The following CCDC7 variants were observed in gnomAD, a reference collection of about 807,000 sequenced individuals.
CCDC7 encodes coiled-coil domain containing 7.
In CCDC7, 183 loss-of-function variants were observed where a neutral mutation model predicts 196.9. The ratio of observed to expected loss-of-function variants is 0.93; its 90% CI spans 0.82 to 1.05. The LOEUF (loss-of-function observed/expected upper bound fraction) is 1.05. Ranked by LOEUF, CCDC7 falls within the 50% of genes least tolerant of loss-of-function variation. The pLI is 0.00. For missense variants in CCDC7, 1,540 were observed against 1,482.2 expected, an observed-to-expected ratio of 1.04 and a Z score of -0.64; for synonymous variants, 525 against 484.6, an observed-to-expected ratio of 1.08 and a Z score of -1.10.
At chr10:32,450,757 G>T (rs1020075028), upstream of CCDC7, among the ~76,000 whole-genome samples, 2 of 152,150 alleles carry the variant, frequency 1.3e-5, no homozygotes, top group Non-Finnish European at 2.9e-5. Flanking sequence ...TGGGAATAAA[G>T]ATGTATATTA....
At chr10:32,547,778 G>C (rs907239549) in intron 13 of CCDC7, among the ~76,000 whole-genome samples, 4 of 151,856 alleles carry the variant, frequency 2.6e-5, no homozygotes, top group Non-Finnish European at 5.9e-5. Flanking sequence ...AGTTGTTTTT[G>C]TCATTTATTT....
intron 29 of CCDC7, among the ~76,000 whole-genome samples, chr10:32,798,013 A>G (rs1193433539): frequency 2.0e-5 from 3 of 152,198 alleles, no homozygotes; most frequent in Admixed American, 1.3e-4. Flanking sequence ...TTCTTTATCT[A>G]TAAAGTGAAT....
At chr10:32,637,389 C>T (rs2065850286) in intron 20 of CCDC7, among the ~76,000 whole-genome samples, 3 of 152,118 alleles carry the variant, frequency 2.0e-5, no homozygotes, top group Non-Finnish European at 4.4e-5. Flanking sequence ...TTTAATCCAT[C>T]TTGAATTAAT....
intron 11 of CCDC7, among the ~76,000 whole-genome samples, chr10:32,520,424 G>A (rs2047707659): frequency 6.6e-6 from 1 of 152,120 alleles, no homozygotes. Context: ...ACTGGGGCAA[G>A]ATGATATTTC....
intron 21 of CCDC7, among the ~76,000 whole-genome samples, chr10:32,668,584 C>T (rs1029300146): frequency 2.6e-5 from 4 of 152,020 alleles, no homozygotes; most frequent in African/African-American, 4.8e-5. Context: ...GCATGAAGGG[C>T]TGTTGAATTT....
At chr10:32,849,701 C>CAAAAAAAAAAAA (rs34677799) in intron 39 of CCDC7, among the ~76,000 whole-genome samples, 15 of 80,800 alleles carry the variant, frequency 1.9e-4, no homozygotes, top group Admixed American at 5.7e-4. Flanking sequence ...GACTCCGTCT[C>CAAAAAAAAAAAA]AAAAAAAAAA....
intron 11 of CCDC7, among the ~76,000 whole-genome samples, chr10:32,518,870 G>A (rs1453101527): frequency 2.6e-5 from 4 of 151,984 alleles, no homozygotes; most frequent in Non-Finnish European, 5.9e-5. Context: ...AGAGTAAATA[G>A]AAATAGAAAT....
intron 11 of CCDC7, among the ~76,000 whole-genome samples, chr10:32,519,625 T>C (rs1231102368): frequency 6.6e-6 from 1 of 152,154 alleles, no homozygotes; most frequent in Non-Finnish European, 1.5e-5. Context: ...TATATATTTA[T>C]GGGGTACATG....
chr10:32,876,308 T>TA (rs2094595644), intron 41 of CCDC7, 39 bp from the exon 43 acceptor site: 1 of 1,527,068 alleles, frequency 6.5e-7, no homozygotes. Context: ...GGAGTAAAAT[T>TA]AAACTTTTTT....
chr10:32,828,550 A>AAGT (rs2091733374), intron 32 of CCDC7, among the ~76,000 whole-genome samples: 1 of 147,714 alleles, frequency 6.8e-6, no homozygotes, highest in Non-Finnish European at 1.5e-5. Context: ...GAAGAAGAAG[A>AAGT]AGAAGAAGAA....
Position 32,845,527 on chromosome 10 carries a change from T to C in CCDC7, c.3437-16T>C. The C allele has an allele frequency of 6.4e-7, 1 of 1,573,600 alleles. No homozygotes were observed. Among genetic ancestry groups the C allele is most frequent in the South Asian group, 1.1e-5 (1 of 87,438 alleles). On this transcript the variant is annotated splice_polypyrimidine_tract_variant and intron_variant, in intron 34 of 41. Coordinates refer to ENST00000639629, the Ensembl canonical transcript of CCDC7. ...TAATCTTACAAAATATACTGAAATC[T>C]GTTTTATTTCTATAGAGACTGATAA... is the stretch of plus-strand genomic sequence containing the variant.
At chr10:32,535,906 C>T (rs1461321535) in intron 11 of CCDC7, among the ~76,000 whole-genome samples, 1 of 152,124 alleles carries the variant, frequency 6.6e-6, no homozygotes, top group Non-Finnish European at 1.5e-5. Flanking sequence ...CCTTCTTTAT[C>T]TGTCATGTGA....
At chr10:32,731,515 A>T (rs1486418689) in intron 28 of CCDC7, among the ~76,000 whole-genome samples, 1 of 152,016 alleles carries the variant, frequency 6.6e-6, no homozygotes, top group African/African-American at 2.4e-5. Context: ...ACTTTTAATC[A>T]GTTGAATTAT....
At chr10:32,676,594 A>G (rs932970317) in intron 21 of CCDC7, among the ~76,000 whole-genome samples, 1 of 152,226 alleles carries the variant, frequency 6.6e-6, no homozygotes, top group Non-Finnish European at 1.5e-5. Context: ...GAAGACATTT[A>G]TGCAGCCAAA....
intron 24 of CCDC7, among the ~76,000 whole-genome samples, chr10:32,699,477 A>AGAACT (rs1565188737): frequency 6.7e-5 from 10 of 149,400 alleles, no homozygotes; most frequent in African/African-American, 2.6e-4. Flanking sequence ...GGTTGGTTCC[A>AGAACT]AGTCTTTGCT....
At chr10:32,851,298 T>G (rs2093556425) in intron 39 of CCDC7, among the ~76,000 whole-genome samples, 1 of 152,204 alleles carries the variant, frequency 6.6e-6, no homozygotes, top group Non-Finnish European at 1.5e-5. Context: ...GTAGATATAT[T>G]TAAATTTCCC....
At chr10:32,601,016 C>A (rs1253304017) in intron 18 of CCDC7, among the ~76,000 whole-genome samples, 4 of 151,838 alleles carry the variant, frequency 2.6e-5, no homozygotes, top group Non-Finnish European at 5.9e-5. Context: ...TCTTTTAGTA[C>A]CTTAAGTGGA....
intron 25 of CCDC7, among the ~76,000 whole-genome samples, chr10:32,722,725 A>G (rs1341567245): frequency 2.6e-5 from 4 of 152,032 alleles, no homozygotes; most frequent in African/African-American, 7.2e-5. Context: ...AAATAAGATC[A>G]CATTCTGAGA....
chr10:32,524,054 A>G (rs1589502844), intron 11 of CCDC7, among the ~76,000 whole-genome samples: 1 of 128,748 alleles, frequency 7.8e-6, no homozygotes, highest in African/African-American at 2.8e-5. Flanking sequence ...TTACAGCCTT[A>G]TCTTTCTTCC....
Sources: gnomAD v4.1 joint callset for allele counts (sites outside exome capture counted in the v4.1 genomes callset) on GRCh38, gnomAD v4.1.1 for gene constraint, MANE v1.5 for transcripts, NCBI Gene and HGNC (gene_info 2026-07-23, HGNC 2026-07-21) for gene names.